The following ENAH variants were observed in gnomAD, a reference collection of about 807,000 sequenced individuals.
The protein encoded by ENAH is ENAH actin regulator.
ENAH carries 23 observed loss-of-function variants against 78.7 expected under a neutral mutation model. That is an observed-to-expected ratio of 0.29 (90% CI 0.21 to 0.41). The LOEUF (loss-of-function observed/expected upper bound fraction) is 0.41, where lower values mean the gene tolerates loss of function less well. Among genes scored for constraint, ENAH ranks in the 10% least tolerant of loss-of-function variants. The pLI, the probability that ENAH is intolerant of heterozygous loss-of-function variation, is 1.00. For synonymous variants in ENAH, 226 were observed against 241.0 expected, an observed-to-expected ratio of 0.94 and a Z score of 0.58; for missense variants, 544 against 691.0, an observed-to-expected ratio of 0.79 and a Z score of 2.39.
chr1:225,504,954 A>G, intron 11 of ENAH: 2 of 1,537,216 alleles, frequency 1.3e-6, no homozygotes. Context: ...CATGTTATTT[A>G]AAAGTCTCAA....
In ENAH at chr1:225,499,597, G is replaced by A. The variant is rs947386695; in HGVS notation, c.1618-1193C>T. ...TGAGGCAGGAGAATCGCTTGAACCC[G>A]GGAGGTGGAGGCTGCAGCGACCTGA... is the stretch of plus-strand genomic sequence containing the variant. On this transcript the variant is annotated intron_variant, in intron 12 of 13. Transcript: ENST00000366843. Among the ~76,000 whole-genome samples the A allele has an allele frequency of 3.6e-4, 54 of 152,036 alleles. 1 individual carries two copies. Among genetic ancestry groups the A allele is most frequent in the Admixed American group, 2.4e-3 (37 of 15,262 alleles).
intron 6 of ENAH, 134 bp from the exon 7 acceptor site, chr1:225,515,034 A>G (rs1235551121): frequency 2.6e-6 from 2 of 761,784 alleles, no homozygotes; most frequent in Non-Finnish European, 4.5e-6. Context: ...AATTTATCAT[A>G]GTTGTAAAAG....
intron 3 of ENAH, among the ~76,000 whole-genome samples, chr1:225,538,013 T>C (rs957054115): frequency 1.3e-5 from 2 of 152,174 alleles, no homozygotes; most frequent in Non-Finnish European, 2.9e-5. Context: ...CAATTGATAA[T>C]GTGGATATGA....
intron 2 of ENAH, among the ~76,000 whole-genome samples, chr1:225,559,511 C>T (rs1262745184): frequency 6.6e-6 from 1 of 152,168 alleles, no homozygotes. Context: ...AAGTCTCCTG[C>T]TGTGACTCAT....
intron 4 of ENAH, among the ~76,000 whole-genome samples, chr1:225,525,876 G>A (rs2096500139): frequency 6.6e-6 from 1 of 152,122 alleles, no homozygotes; most frequent in African/African-American, 2.4e-5. Context: ...CATAGTGAGA[G>A]GTCTTGGTGG....
At chr1:225,551,647 A>G (rs1321503024) in intron 3 of ENAH, among the ~76,000 whole-genome samples, 1 of 152,224 alleles carries the variant, frequency 6.6e-6, no homozygotes, top group Non-Finnish European at 1.5e-5. Context: ...AAAAATGTCC[A>G]TAACTTTTTA....
At chr1:225,545,558 C>G (rs1220090106) in intron 3 of ENAH, among the ~76,000 whole-genome samples, 5 of 152,070 alleles carry the variant, frequency 3.3e-5, no homozygotes, top group Non-Finnish European at 5.9e-5. Context: ...TTTCTCAGAA[C>G]AAAAATATTA....
At chr1:225,550,865 T>A (rs1442147293) in intron 3 of ENAH, among the ~76,000 whole-genome samples, 1 of 152,216 alleles carries the variant, frequency 6.6e-6, no homozygotes, top group Non-Finnish European at 1.5e-5. Context: ...ATAATCTTAC[T>A]GGTTATGCAT....
chr1:225,638,462 T>G (rs932395426), intron 1 of ENAH, among the ~76,000 whole-genome samples: 5 of 152,224 alleles, frequency 3.3e-5, no homozygotes, highest in African/African-American at 1.2e-4. Flanking sequence ...CTCTGCCAGC[T>G]CTTGAAAATT....
intron 1 of ENAH, among the ~76,000 whole-genome samples, chr1:225,636,630 A>G (rs1243433041): frequency 6.6e-6 from 1 of 152,218 alleles, no homozygotes; most frequent in Non-Finnish European, 1.5e-5. Context: ...GATCGTTAGA[A>G]GCCAGGAATT....
At chr1:225,535,720 C>T (rs567319225) in intron 3 of ENAH, among the ~76,000 whole-genome samples, 5 of 152,194 alleles carry the variant, frequency 3.3e-5, no homozygotes, top group South Asian at 2.1e-4. Context: ...TTAATAAAAA[C>T]GCATCCTCTT....
At chr1:225,640,893 CTTT>C (rs61440195) in intron 1 of ENAH, among the ~76,000 whole-genome samples, 48 of 130,970 alleles carry the variant, frequency 3.7e-4, no homozygotes, top group African/African-American at 1.3e-3. Flanking sequence ...CAAGTACATA[CTTT>C]TTTTTTTTTT....
chr1:225,600,694 C>CA (rs1190218198), intron 1 of ENAH, among the ~76,000 whole-genome samples: 3 of 151,822 alleles, frequency 2.0e-5, no homozygotes, highest in Non-Finnish European at 4.4e-5. Context: ...TCTATTTCTA[C>CA]AAAAAAATTA....
At chr1:225,629,752 T>C (rs1278059947) in intron 1 of ENAH, among the ~76,000 whole-genome samples, 1 of 152,190 alleles carries the variant, frequency 6.6e-6, no homozygotes, top group African/African-American at 2.4e-5. Flanking sequence ...CCTTGCAATG[T>C]TTTTCTCCCT....
At chr1:225,567,443 C>G in intron 1 of ENAH, 29 bp from the exon 2 acceptor site, 2 of 1,591,684 alleles carry the variant, frequency 1.3e-6, no homozygotes, top group African/African-American at 2.7e-5. Context: ...AATATTCAAA[C>G]TTGCAATATT....
intron 1 of ENAH, among the ~76,000 whole-genome samples, chr1:225,633,922 A>C (rs2148382873): frequency 6.6e-6 from 1 of 152,352 alleles, no homozygotes; most frequent in Non-Finnish European, 1.5e-5. Context: ...TGGATCAGTA[A>C]GGACATTTAA....
intron 1 of ENAH, among the ~76,000 whole-genome samples, chr1:225,616,878 T>C (rs548315543): frequency 1.1e-4 from 17 of 152,134 alleles, no homozygotes; most frequent in Admixed American, 2.0e-4. Flanking sequence ...GGCGGGCAGA[T>C]CACCTGAGGT....
At chr1:225,535,670 A>G (rs2096558246) in intron 3 of ENAH, 1 of 470,216 alleles carries the variant, frequency 2.1e-6, no homozygotes, top group South Asian at 1.9e-5. Context: ...GTATTTATAC[A>G]TACGTCCTAT....
chr1:225,552,082 A>G, intron 3 of ENAH, among the ~76,000 whole-genome samples: 1 of 150,892 alleles, frequency 6.6e-6, no homozygotes, highest in East Asian at 1.9e-4. Context: ...CCTTTTCTAC[A>G]CTGGAGAATC....
Sources: allele counts gnomAD v4.1 joint callset (sites outside exome capture counted in the v4.1 genomes callset), GRCh38; gene constraint gnomAD v4.1.1; transcripts MANE v1.5; gene names NCBI Gene and HGNC (gene_info 2026-07-23, HGNC 2026-07-21).